RTL4: variants seen among roughly 807,000 people sequenced by gnomAD.
The protein encoded by RTL4 is retrotransposon Gag like 4, also known as retrotransposon Gag-like protein 4.
RTL4 carries 4 observed loss-of-function variants against 5.3 expected under a neutral mutation model. The ratio of observed to expected loss-of-function variants is 0.75; its 90% confidence interval spans 0.37 to 1.72. The LOEUF (loss-of-function observed/expected upper bound fraction) is 1.72. RTL4 is among the 40% of genes most tolerant of loss of function. The pLI is 0.04. For synonymous variants in RTL4, 98 were observed against 87.3 expected (o/e 1.12, Z -0.68); for missense variants, 260 against 227.1 (o/e 1.14, Z -0.93).
chrX:112,105,935 A>G, the RTL4 span, among the ~76,000 whole-genome samples: 3 of 111,554 alleles, frequency 2.7e-5, 1 homozygote, highest in Admixed American at 2.9e-4. Context: ...AAGCAGTGAG[A>G]GTGGGCATCC....
chrX:112,368,603 A>G, the RTL4 span, among the ~76,000 whole-genome samples: 2 of 110,673 alleles, frequency 1.8e-5, no homozygotes, highest in Non-Finnish European at 3.8e-5. Flanking sequence ...CAGGCTGGGG[A>G]TGCTGCTAAA....
chrX:112,407,551 T>C, the RTL4 span, among the ~76,000 whole-genome samples: 1 of 112,573 alleles, frequency 8.9e-6, no homozygotes, highest in Non-Finnish European at 1.9e-5. Flanking sequence ...ATGGCAACTC[T>C]TGACACACCT....
the RTL4 span, among the ~76,000 whole-genome samples, chrX:112,208,394 G>A: frequency 0.017 from 1,869 of 111,853 alleles, 40 homozygotes; most frequent in African/African-American, 0.056. Flanking sequence ...CCCTGTAAGA[G>A]TGCATAGTTC....
the RTL4 span, among the ~76,000 whole-genome samples, chrX:112,439,400 T>C: frequency 1.8e-5 from 2 of 111,869 alleles, no homozygotes; most frequent in Non-Finnish European, 3.8e-5. Flanking sequence ...ATAAAGAGTT[T>C]AGAGTTTTAC....
the RTL4 span, among the ~76,000 whole-genome samples, chrX:112,272,588 G>A: frequency 8.9e-6 from 1 of 111,889 alleles, no homozygotes; most frequent in East Asian, 2.8e-4. Flanking sequence ...TTCACTTCAA[G>A]TCTATAGGGC....
the RTL4 span, among the ~76,000 whole-genome samples, chrX:112,088,416 T>G: frequency 1.7e-3 from 190 of 112,006 alleles, no homozygotes; most frequent in African/African-American, 5.9e-3. Context: ...CCTACTGATG[T>G]TCCATTGTAT....
chrX:112,239,290 G>T, the RTL4 span, among the ~76,000 whole-genome samples: 3 of 110,943 alleles, frequency 2.7e-5, no homozygotes, highest in African/African-American at 9.8e-5. Context: ...GGGGCCTAGT[G>T]GGGAGGCGGG....
chrX:112,350,935 T>C, the RTL4 span, among the ~76,000 whole-genome samples: 2 of 111,467 alleles, frequency 1.8e-5, no homozygotes, highest in Admixed American at 9.6e-5. Context: ...CTCTTGCTTT[T>C]CTAGTTCTTT....
At chrX:112,103,887 G>A in the RTL4 span, among the ~76,000 whole-genome samples, 2 of 110,984 alleles carry the variant, frequency 1.8e-5, no homozygotes, top group African/African-American at 6.5e-5. Context: ...CCTCATATAT[G>A]TATCAATTTT....
chrX:112,330,356 T>C, the RTL4 span, among the ~76,000 whole-genome samples: 3 of 85,502 alleles, frequency 3.5e-5, no homozygotes, highest in East Asian at 5.8e-4. Flanking sequence ...AGCATTCTTA[T>C]ACACCAACAA....
At chrX:112,233,291 C>T in the RTL4 span, among the ~76,000 whole-genome samples, 3 of 110,291 alleles carry the variant, frequency 2.7e-5, no homozygotes, top group African/African-American at 1.0e-4. Context: ...TGATTTATCA[C>T]GTGGTTGTAT....
At chrX:112,204,891 G>A in the RTL4 span, among the ~76,000 whole-genome samples, 4 of 111,051 alleles carry the variant, frequency 3.6e-5, no homozygotes, top group Admixed American at 9.6e-5. Flanking sequence ...ATTTTACATC[G>A]CATGCCTGGA....
the RTL4 span, among the ~76,000 whole-genome samples, chrX:112,428,884 C>A: frequency 2.3e-4 from 26 of 111,476 alleles, no homozygotes; most frequent in African/African-American, 8.4e-4. Context: ...TGTGTTGTCC[C>A]TGTATTTTTC....
chrX:112,435,745 C>G, the RTL4 span, among the ~76,000 whole-genome samples: 1 of 112,178 alleles, frequency 8.9e-6, no homozygotes, highest in Admixed American at 9.4e-5. Flanking sequence ...ATTGACAAAG[C>G]ATAAACAAAA....
the RTL4 span, among the ~76,000 whole-genome samples, chrX:112,310,662 A>G: frequency 6.2e-5 from 4 of 64,704 alleles, no homozygotes; most frequent in Admixed American, 2.8e-4. Flanking sequence ...ATATATTAGT[A>G]TATTTATGTA....
At chrX:112,133,746 A>C in the RTL4 span, among the ~76,000 whole-genome samples, 1 of 112,281 alleles carries the variant, frequency 8.9e-6, no homozygotes, top group Admixed American at 9.5e-5. Context: ...TTATCACATA[A>C]GGTTGTGAAA....
the RTL4 span, among the ~76,000 whole-genome samples, chrX:112,322,173 G>A: frequency 9.0e-6 from 1 of 111,371 alleles, no homozygotes; most frequent in East Asian, 2.8e-4. Flanking sequence ...GGCATTTTCA[G>A]TGACTAAAAG....
At chrX:112,213,316 G>A in the RTL4 span, among the ~76,000 whole-genome samples, 2 of 112,807 alleles carry the variant, frequency 1.8e-5, no homozygotes, top group Non-Finnish European at 1.9e-5. Flanking sequence ...ACAGGATTAT[G>A]GGGAAGATTA....
At chrX:112,236,999 A>G in the RTL4 span, among the ~76,000 whole-genome samples, 26,288 of 110,367 alleles carry the variant, frequency 0.24, 2,983 homozygotes, top group African/African-American at 0.45. Flanking sequence ...GCTGGCTTTG[A>G]AGATGGAAGA....
Sources: gnomAD v4.1 joint callset for allele counts (sites outside exome capture counted in the v4.1 genomes callset) on GRCh38, gnomAD v4.1.1 for gene constraint, MANE v1.5 for transcripts, NCBI Gene and HGNC (gene_info 2026-07-23, HGNC 2026-07-21) for gene names.